The following ARHGAP32 variants were observed in gnomAD, a reference collection of about 807,000 sequenced individuals.
ARHGAP32 encodes rho GTPase-activating protein 32.
ARHGAP32 carries 51 observed loss-of-function variants against 186.5 expected under a neutral mutation model. That is an observed-to-expected ratio of 0.27 (90% CI 0.22 to 0.35). The LOEUF is 0.35. ARHGAP32 is among the 10% of genes least tolerant of loss of function. ARHGAP32 has a pLI of 1.00. For synonymous variants in ARHGAP32, 950 were observed against 964.3 expected (o/e 0.99, Z 0.27); for missense variants, 2,186 against 2,623.5 (o/e 0.83, Z 3.64).
At chr11:129,266,506 G>T (rs1945402833) in intron 1 of ARHGAP32, among the ~76,000 whole-genome samples, 1 of 152,158 alleles carries the variant, frequency 6.6e-6, no homozygotes, top group African/African-American at 2.4e-5. Flanking sequence ...GGAACTAAGG[G>T]AATCAGTATT....
intron 5 of ARHGAP32, among the ~76,000 whole-genome samples, chr11:129,121,890 C>T (rs930987668): frequency 2.6e-5 from 4 of 152,004 alleles, no homozygotes; most frequent in East Asian, 1.9e-4. Flanking sequence ...GAGAGCCAAA[C>T]GCAGCTGAAT....
chr11:128,987,476 T>C (rs866924126), intron 13 of ARHGAP32, among the ~76,000 whole-genome samples: 3 of 152,312 alleles, frequency 2.0e-5, no homozygotes, highest in Middle Eastern at 3.4e-3. Flanking sequence ...GCAGTTATCA[T>C]GTACTACAGT....
At chr11:128,988,531 T>C (rs1374557520) in intron 12 of ARHGAP32, among the ~76,000 whole-genome samples, 2 of 152,210 alleles carry the variant, frequency 1.3e-5, no homozygotes, top group African/African-American at 4.8e-5. Flanking sequence ...AGCAAATGAA[T>C]ATATAAAGTT....
At chr11:129,277,921 G>C (rs937985895) in intron 1 of ARHGAP32, among the ~76,000 whole-genome samples, 6 of 152,150 alleles carry the variant, frequency 3.9e-5, no homozygotes, top group Non-Finnish European at 5.9e-5. Context: ...TTCTCAGTTA[G>C]ACTTCAATGT....
chr11:128,988,014 A>G lies in ARHGAP32; in HGVS notation c.1298+9T>C. ...AGAAGGAGTGAAAAAGTGCCATATA[A>G]GATTTTACCGTAGTCTCTGGATATT... On this transcript the variant is annotated intron_variant, in intron 13 of 22. Transcript: ENST00000682385. 1 of 1,600,878 alleles carries G rather than the reference A, an allele frequency of 6.2e-7. No homozygotes were observed. The highest frequency in any genetic ancestry group is 8.6e-7 in the Non-Finnish European group (1 of 1,168,856).
chr11:129,037,220 G>A (rs1939380759), intron 11 of ARHGAP32, among the ~76,000 whole-genome samples: 1 of 152,130 alleles, frequency 6.6e-6, no homozygotes, highest in Admixed American at 6.5e-5. Context: ...AGACTGACTG[G>A]GCCTAGTGGC....
At chr11:129,045,378 C>T (rs1029785945) in intron 10 of ARHGAP32, among the ~76,000 whole-genome samples, 5 of 152,192 alleles carry the variant, frequency 3.3e-5, no homozygotes, top group African/African-American at 1.2e-4. Context: ...ATCTTTTCCG[C>T]TCAGTTTTTT....
At chr11:129,225,686 GT>G (rs1944771996) in intron 1 of ARHGAP32, among the ~76,000 whole-genome samples, 1 of 152,042 alleles carries the variant, frequency 6.6e-6, no homozygotes, top group Non-Finnish European at 1.5e-5. Flanking sequence ...AAAATGTCCA[GT>G]CTTCAACAAC....
At chr11:128,977,915 C>T (rs1403702397) in intron 19 of ARHGAP32, among the ~76,000 whole-genome samples, 1 of 150,198 alleles carries the variant, frequency 6.7e-6, no homozygotes, top group Non-Finnish European at 1.5e-5. Context: ...CAGGGCCTCA[C>T]TTTGTTGCCC....
At chr11:129,236,885 T>C (rs970317272) in intron 1 of ARHGAP32, among the ~76,000 whole-genome samples, 6 of 152,326 alleles carry the variant, frequency 3.9e-5, no homozygotes, top group Admixed American at 6.5e-5. Context: ...GGCTGTGGAT[T>C]TGTGGTAGAT....
intron 10 of ARHGAP32, among the ~76,000 whole-genome samples, chr11:129,059,373 A>T (rs1472464288): frequency 1.3e-5 from 2 of 152,188 alleles, no homozygotes; most frequent in South Asian, 2.1e-4. Context: ...CAGATGCTCA[A>T]CATGTCTCCT....
At chr11:129,073,934 T>C (rs770364039) in intron 6 of ARHGAP32, among the ~76,000 whole-genome samples, 14 of 152,084 alleles carry the variant, frequency 9.2e-5, no homozygotes, top group Non-Finnish European at 1.8e-4. Flanking sequence ...GTAGAGTAAA[T>C]GTTTTAAGTA....
intron 11 of ARHGAP32, among the ~76,000 whole-genome samples, chr11:129,020,195 A>T (rs1033911595): frequency 1.3e-5 from 2 of 152,082 alleles, no homozygotes; most frequent in African/African-American, 2.4e-5. Flanking sequence ...TTGTCAAAAA[A>T]AATTAGGTTC....
chr11:129,085,558 C>T (rs1316909736), intron 6 of ARHGAP32, among the ~76,000 whole-genome samples: 1 of 152,140 alleles, frequency 6.6e-6, no homozygotes, highest in African/African-American at 2.4e-5. Flanking sequence ...AGATTCAATA[C>T]AATTCCAGTC....
At chr11:129,251,654 C>T (rs1313719984) in intron 1 of ARHGAP32, among the ~76,000 whole-genome samples, 1 of 151,940 alleles carries the variant, frequency 6.6e-6, no homozygotes, top group Non-Finnish European at 1.5e-5. Context: ...ACCAGCCCAG[C>T]GCGGTGGCTC....
intron 2 of ARHGAP32, among the ~76,000 whole-genome samples, chr11:129,134,989 C>T (rs1942902849): frequency 6.6e-6 from 1 of 152,112 alleles, no homozygotes; most frequent in Non-Finnish European, 1.5e-5. Flanking sequence ...GTTATAGCAG[C>T]CAGAACACAT....
chr11:129,193,120 T>C (rs1214123454), upstream of ARHGAP32, among the ~76,000 whole-genome samples: 1 of 151,872 alleles, frequency 6.6e-6, no homozygotes, highest in African/African-American at 2.4e-5. Context: ...TTCCACTGTA[T>C]CTGATTTAAT....
chr11:129,209,582 A>C (rs375835214), intron 1 of ARHGAP32, among the ~76,000 whole-genome samples: 1 of 152,034 alleles, frequency 6.6e-6, no homozygotes, highest in East Asian at 1.9e-4. Context: ...GGCTTGGAAG[A>C]CTGCAAACGG....
intron 10 of ARHGAP32, among the ~76,000 whole-genome samples, chr11:129,046,872 C>A (rs530882708): frequency 3.2e-4 from 49 of 152,214 alleles, no homozygotes; most frequent in African/African-American, 1.1e-3. Context: ...CGCCTGTAAT[C>A]CCAGCACTTT....
Sources: gnomAD v4.1 joint callset for allele counts (sites outside exome capture counted in the v4.1 genomes callset) on GRCh38, gnomAD v4.1.1 for gene constraint, MANE v1.5 for transcripts, NCBI Gene and HGNC (gene_info 2026-07-23, HGNC 2026-07-21) for gene names.